Variants in SERPINA11 observed in about 807,000 individuals in gnomAD.
The protein encoded by SERPINA11 is serpin family A member 11, also known as serpin A11.
In SERPINA11, 28 loss-of-function variants were observed where a neutral mutation model predicts 29.4. The ratio of observed to expected loss-of-function variants is 0.95; its 90% CI spans 0.70 to 1.30. The LOEUF is 1.30. Ranked by LOEUF, SERPINA11 falls within the 50% of genes most tolerant of loss-of-function variation. The pLI is 0.00. For synonymous variants in SERPINA11, 253 were observed against 206.6 expected (o/e 1.22, Z -1.92); for missense variants, 530 against 507.3 (o/e 1.04, Z -0.43).
Position 94,449,459 on chromosome 14 carries a change from TTCTTTCTTTCTTTCTTTCTTTCTG to T in SERPINA11, c.-3-706_-3-683del, listed in dbSNP as rs1566784698. ...TTTCTTTCTTTCTTTCTTTCTTTCT[TTCTTTCTTTCTTTCTTTCTTTCTG>T]TCTGTCTGTCTTTCTTTCTCTTTCT... On this transcript the variant is annotated intron_variant, in intron 1 of 4. Transcript: ENST00000334708. Among the ~76,000 whole-genome samples, 117 of 97,302 alleles carry T rather than the reference TTCTTTCTTTCTTTCTTTCTTTCTG, an allele frequency of 1.2e-3. 2 individuals are homozygous for T. The highest frequency in any genetic ancestry group is 0.011 in the East Asian group (49 of 4,302). 63.8% of individuals were successfully genotyped at this position (97,302 alleles called of 152,430 possible).
rs1412883481 is a variant in SERPINA11, at chr14:94,446,415, A to T, written c.833T>A (p.Leu278His). Residue 278 changes from leucine to histidine, a missense_variant, in exon 3 of 5, where the codon CTC becomes CAC. By Grantham distance (99) the Leu-to-His change is moderately conservative. Transcript: ENST00000334708. ...CTGCTTCATTTTCCCCGGGTCAGGG[A>T]GGACCAGCAGCGCCAAGGCATTTCC... ...YRGNALALLV[L>H]PDPGKMKQVE... The T allele has an allele frequency of 6.2e-7, 1 of 1,614,064 alleles. No homozygotes were observed. The highest frequency in any genetic ancestry group is 8.5e-7 in the Non-Finnish European group (1 of 1,180,024).
rs5010307 is a variant in SERPINA11, at chr14:94,449,463, T to G, written c.-3-686A>C. Among the ~76,000 whole-genome samples, 659 of 97,632 alleles carry G rather than the reference T, an allele frequency of 6.7e-3. 24 individuals are homozygous for G. Among genetic ancestry groups the G allele is most frequent in the African/African-American group, 0.019 (381 of 20,052 alleles). 64.1% of individuals were successfully genotyped at this position (97,632 alleles called of 152,430 possible). ...TTTCTTTCTTTCTTTCTTTCTTTCT[T>G]TCTTTCTTTCTTTCTTTCTGTCTGT... On this transcript the variant is annotated intron_variant, in intron 1 of 4. Transcript: ENST00000334708.
At chr14:94,451,077 C>T (rs1325715077) in intron 1 of SERPINA11, among the ~76,000 whole-genome samples, 1 of 152,184 alleles carries the variant, frequency 6.6e-6, no homozygotes, top group East Asian at 1.9e-4. Context: ...ATCAGTTTGT[C>T]CTGATAACAT....
rs774059044 is a variant in SERPINA11 at position 94,448,416 on chromosome 14, C to G, written c.359G>C (p.Arg120Pro). The change falls in exon 2 of 5, where the codon CGG (arginine) becomes CCG (proline). Residue 120 changes from arginine (R) to proline (P), a missense_variant. By Grantham distance (103) the Arg-to-Pro change is moderately radical. Transcript: ENST00000334708. ...TPEADIHQGF[R>P]SLLHTLALPS... Reference sequence around the variant, plus strand: ...CAGGGCAAGGGTGTGGAGGAGGCTCCGGAAGCCCTGGTGGATGTCGGCTTC... The same window carrying G: ...CAGGGCAAGGGTGTGGAGGAGGCTCGGGAAGCCCTGGTGGATGTCGGCTTC... 4 of 1,613,992 alleles carry G rather than the reference C, an allele frequency of 2.5e-6. No individual in the cohort carries two copies. Among genetic ancestry groups the G allele is most frequent in the Non-Finnish European group, 3.4e-6 (4 of 1,180,036 alleles).
At chr14:94,447,816 G>A (rs1464269780) in intron 2 of SERPINA11, among the ~76,000 whole-genome samples, 1 of 152,118 alleles carries the variant, frequency 6.6e-6, no homozygotes, top group Admixed American at 6.5e-5. Flanking sequence ...TTCTTCACCT[G>A]AGTGGATACT....
At chr14:94,449,485 CTG>C (rs1566784789) in intron 1 of SERPINA11, among the ~76,000 whole-genome samples, 3 of 77,266 alleles carry the variant, frequency 3.9e-5, no homozygotes, top group Admixed American at 1.2e-4. Context: ...TTCTTTCTGT[CTG>C]TCTGTCTTTC....
At chr14:94,448,900 GA>G (rs1472315304) in intron 1 of SERPINA11, 123 bp from the exon 2 acceptor site, 17 of 842,968 alleles carry the variant, frequency 2.0e-5, no homozygotes, top group Middle Eastern at 3.4e-4. Context: ...GGGCACTGAA[GA>G]AGACAAGGCT....
Position 94,448,498 on chromosome 14 carries a change from C to T in SERPINA11, c.277G>A (p.Ala93Thr), listed in dbSNP as rs1473978625. The change falls in exon 2 of 5, where the codon GCT becomes ACT. Residue 93 changes from alanine to threonine, a missense_variant. Transcript: ENST00000334708. The stretch of plus-strand genomic sequence containing the variant: ...TCCAGGATCAGAGCTGAGGTGTTAG[C>T]TTGGGCCCCAAGAGAGAGCAGGGCC... ...TLALLSLGAQ[A>T]NTSALILEGL... 3.7e-6 allele frequency: 6 copies of T among 1,614,050 alleles called. No individual in the cohort carries two copies. Among genetic ancestry groups the T allele is most frequent in the South Asian group, 1.1e-5 (1 of 91,084 alleles).
In SERPINA11 at chr14:94,442,582, A is replaced by T; in HGVS notation, c.*24T>A. On this transcript the variant is annotated 3_prime_UTR_variant, in exon 5 of 5. Transcript: ENST00000334708. ...TCTGTTTGGTCCAGGATGAGATAAG[A>T]TAACTCCTGGCCTCCCACCATGGTT... 4 of 1,565,180 alleles carry T rather than the reference A, an allele frequency of 2.6e-6. No individual in the cohort carries two copies. The highest frequency in any genetic ancestry group is 2.6e-6 in the Non-Finnish European group (3 of 1,146,804).
In SERPINA11 at chr14:94,443,231, G is replaced by A. The variant is rs1453029078; in HGVS notation, c.918-6C>T. 1.2e-6 allele frequency: 2 copies of A among 1,610,716 alleles called. No homozygotes were observed. The highest frequency in any genetic ancestry group is 1.3e-5 in the African/African-American group (1 of 74,872). ...GCAAGTGCAAATCCAACAGACTGGAGAGAGAAACAGACAGAGAAATGGTGC... is the reference window on the plus strand; with the variant it reads ...GCAAGTGCAAATCCAACAGACTGGAAAGAGAAACAGACAGAGAAATGGTGC... On this transcript the variant is annotated splice_region_variant and splice_polypyrimidine_tract_variant and intron_variant, in intron 3 of 4. Coordinates refer to ENST00000334708, the MANE Select transcript of SERPINA11 (RefSeq NM_001080451.2).
At position 94,442,687 on chromosome 14, in the gene SERPINA11, C is replaced by T. The variant is rs144603054; in HGVS notation, c.1188G>A (p.Arg396=). 7,248 of 1,613,242 alleles carry T rather than the reference C, an allele frequency of 4.5e-3. 31 individuals are homozygous for T. The highest frequency in any genetic ancestry group is 7.2e-3 in the South Asian group (654 of 90,818). The change falls in exon 5 of 5, where the codon AGG becomes AGA. Residue 396 remains arginine (R), a synonymous_variant. Coordinates refer to ENST00000334708, the MANE Select transcript of SERPINA11 (RefSeq NM_001080451.2). The part of the protein sequence containing the change: ...TMSDPHAHFN[R]PFLLLLWEVT... ...CCTCCCAAAGGAGCAAGAGGAAAGG[C>T]CTGTTGAAGTGGGCATGTGGGTCTG...
chr14:94,448,800 G>A (rs560293312), intron 1 of SERPINA11, 23 bp from the exon 2 acceptor site: 14 of 1,498,698 alleles, frequency 9.3e-6, no homozygotes, highest in South Asian at 2.9e-5. Context: ...GGGTGAACAT[G>A]TCACTTTTCT....
intron 1 of SERPINA11, among the ~76,000 whole-genome samples, chr14:94,449,117 G>A (rs1898509284): frequency 1.3e-5 from 2 of 152,238 alleles, no homozygotes; most frequent in African/African-American, 4.8e-5. Context: ...TTGGGAGGCT[G>A]AGGTGGGAGG....
In SERPINA11 at chr14:94,442,667, C is replaced by T. The variant is rs1273281742; in HGVS notation, c.1208G>A (p.Trp403Ter). ...GAGTAAGCTCTGGGTGGTGACCTCC[C>T]AAAGGAGCAAGAGGAAAGGCCTGTT... ...HFNRPFLLLLWEVTTQSLLFL... is the reference protein window; with the variant it reads ...HFNRPFLLLL Residue 403 changes from tryptophan to a stop codon, truncating the protein, a stop_gained, in exon 5 of 5, where the codon TGG (tryptophan) becomes TAG (stop). Transcript: ENST00000334708. LOFTEE classifies it high-confidence loss of function. 2 of 1,612,684 alleles carry T rather than the reference C, an allele frequency of 1.2e-6. No individual in the cohort carries two copies. Among genetic ancestry groups the T allele is most frequent in the Non-Finnish European group, 1.7e-6 (2 of 1,179,498 alleles).
At chr14:94,450,510 G>A (rs570050296) in intron 1 of SERPINA11, among the ~76,000 whole-genome samples, 4 of 152,296 alleles carry the variant, frequency 2.6e-5, no homozygotes, top group African/African-American at 2.4e-5. Context: ...GCTAGGAAAG[G>A]AGCCTGGAGC....
chr14:94,445,580 T>C (rs1490814621), intron 3 of SERPINA11, among the ~76,000 whole-genome samples: 1 of 152,150 alleles, frequency 6.6e-6, no homozygotes, highest in East Asian at 1.9e-4. Flanking sequence ...ATAATAATTT[T>C]TTATTAGAGA....
At chr14:94,449,400 CTT>C (rs1566784542) in intron 1 of SERPINA11, among the ~76,000 whole-genome samples, 1 of 25,924 alleles carries the variant, frequency 3.9e-5, no homozygotes, top group African/African-American at 1.3e-4. Context: ...CTCTTTCTTT[CTT>C]TCTATTCTTT....
At chr14:94,443,996 G>A (rs1898389654) in intron 3 of SERPINA11, among the ~76,000 whole-genome samples, 1 of 152,190 alleles carries the variant, frequency 6.6e-6, no homozygotes, top group South Asian at 2.1e-4. Flanking sequence ...TAACCAACTT[G>A]AACACTTCTG....
chr14:94,444,089 T>C (rs1262778118), intron 3 of SERPINA11, among the ~76,000 whole-genome samples: 1 of 152,034 alleles, frequency 6.6e-6, no homozygotes, highest in Non-Finnish European at 1.5e-5. Flanking sequence ...CTAATTGAAG[T>C]AGGAGGACAT....
Sources: allele counts gnomAD v4.1 joint callset (sites outside exome capture counted in the v4.1 genomes callset), GRCh38; gene constraint gnomAD v4.1.1; transcripts MANE v1.5; gene names NCBI Gene and HGNC (gene_info 2026-07-23, HGNC 2026-07-21).